KCNB2: variants seen among roughly 807,000 people sequenced by gnomAD.
KCNB2 encodes potassium voltage-gated channel subfamily B member 2, also known as delayed rectifier potassium channel protein.
A neutral mutation model predicts 61.5 loss-of-function variants in KCNB2; 15 were observed. The observed-to-expected ratio is 0.24, with a 90% CI of 0.16 to 0.38. The LOEUF (loss-of-function observed/expected upper bound fraction) is 0.38. Among genes scored for constraint, KCNB2 ranks in the 10% least tolerant of loss-of-function variants. KCNB2 has a pLI of 1.00. For missense variants in KCNB2, 828 were observed against 1,125.2 expected, an observed-to-expected ratio of 0.74 and a Z score of 3.78; for synonymous variants, 457 against 446.0, an observed-to-expected ratio of 1.02 and a Z score of -0.31.
chr8:72,682,598 A>T (rs1223536674), intron 2 of KCNB2, among the ~76,000 whole-genome samples: 2 of 151,510 alleles, frequency 1.3e-5, no homozygotes, highest in Non-Finnish European at 1.5e-5. Flanking sequence ...GAATTTAAAA[A>T]AAAAAAAAAA....
intron 1 of KCNB2, among the ~76,000 whole-genome samples, chr8:72,555,757 T>G (rs1806416779): frequency 6.6e-6 from 1 of 151,984 alleles, no homozygotes; most frequent in African/African-American, 2.4e-5. Flanking sequence ...TATTTTATTT[T>G]ATTTTATTTT....
chr8:72,633,718 A>C (rs1805918009), intron 2 of KCNB2, among the ~76,000 whole-genome samples: 1 of 152,176 alleles, frequency 6.6e-6, no homozygotes. Context: ...TTAGTTTTTC[A>C]TGGATGTATC....
chr8:72,784,704 G>A (rs1472735164), intron 2 of KCNB2, among the ~76,000 whole-genome samples: 4 of 152,114 alleles, frequency 2.6e-5, no homozygotes, highest in African/African-American at 9.7e-5. Flanking sequence ...CACCTCACAT[G>A]AGGTCCCACT....
rs892930179 is a variant in KCNB2 at position 72,581,864 on chromosome 8, G to A, written c.579+13551G>A. ...TTGCTTTGCTAGGGTTGCTCATTTG[G>A]TTATCGGAACTGTGGGCTCTGGGAA... is the stretch of plus-strand genomic sequence containing the variant. On this transcript the variant is annotated intron_variant, in intron 2 of 2. Coordinates refer to ENST00000523207, the MANE Select transcript of KCNB2 (RefSeq NM_004770.3). Among the ~76,000 whole-genome samples the A allele has an allele frequency of 5.3e-5, 8 of 152,206 alleles. No homozygotes were observed. The East Asian group carries it at 1.5e-3, about 29-fold the overall frequency.
chr8:72,722,707 G>C (rs1050348348), intron 2 of KCNB2, among the ~76,000 whole-genome samples: 8 of 152,200 alleles, frequency 5.3e-5, no homozygotes, highest in African/African-American at 1.7e-4. Flanking sequence ...AGCACACTTT[G>C]CTCTAGATGC....
At chr8:72,584,105 AC>A (rs200305349) in intron 2 of KCNB2, among the ~76,000 whole-genome samples, 2 of 148,204 alleles carry the variant, frequency 1.3e-5, no homozygotes, top group African/African-American at 2.5e-5. Flanking sequence ...ACAAAACAAA[AC>A]AAAAAAAAAC....
intron 2 of KCNB2, among the ~76,000 whole-genome samples, chr8:72,705,602 G>A (rs1807209169): frequency 6.6e-6 from 1 of 152,204 alleles, no homozygotes; most frequent in African/African-American, 2.4e-5. Context: ...CCAACCTGCT[G>A]TAAGTTTGGG....
At chr8:72,576,714 C>T (rs1563528049) in intron 2 of KCNB2, among the ~76,000 whole-genome samples, 1 of 152,200 alleles carries the variant, frequency 6.6e-6, no homozygotes, top group Non-Finnish European at 1.5e-5. Context: ...ACATCCAGTT[C>T]TTAACCTCCT....
intron 2 of KCNB2, among the ~76,000 whole-genome samples, chr8:72,788,846 GGACT>G (rs986574221): frequency 1.6e-4 from 25 of 152,122 alleles, no homozygotes; most frequent in African/African-American, 6.0e-4. Context: ...GATGTATAAA[GGACT>G]AACATAACAC....
intron 2 of KCNB2, among the ~76,000 whole-genome samples, chr8:72,626,214 C>T (rs1805786897): frequency 6.6e-6 from 1 of 152,088 alleles, no homozygotes; most frequent in African/African-American, 2.4e-5. Context: ...CCCCAGAATG[C>T]CCAGGTACAC....
intron 2 of KCNB2, among the ~76,000 whole-genome samples, chr8:72,810,190 T>G (rs1809284430): frequency 6.6e-6 from 1 of 152,130 alleles, no homozygotes; most frequent in South Asian, 2.1e-4. Context: ...CTGAAGGAAC[T>G]TACCGCAGAG....
At chr8:72,639,283 A>G (rs550385976) in intron 2 of KCNB2, among the ~76,000 whole-genome samples, 1 of 152,264 alleles carries the variant, frequency 6.6e-6, no homozygotes, top group African/African-American at 2.4e-5. Flanking sequence ...CACCCACAGC[A>G]AAAGCACAGA....
At chr8:72,563,171 C>G (rs1043621640) in intron 1 of KCNB2, among the ~76,000 whole-genome samples, 1 of 152,016 alleles carries the variant, frequency 6.6e-6, no homozygotes, top group Admixed American at 6.6e-5. Context: ...TGTGAGGCAG[C>G]ATGATAAGTT....
intron 2 of KCNB2, among the ~76,000 whole-genome samples, chr8:72,705,290 G>A (rs1294215612): frequency 1.3e-5 from 2 of 152,156 alleles, no homozygotes; most frequent in Admixed American, 1.3e-4. Flanking sequence ...CCTCTCTGTT[G>A]CATACAGGCT....
rs139855849 is a variant in KCNB2 at position 72,828,061 on chromosome 8, C to T, written c.580-107874C>T. ...CTCCTGACCTCAAGTGATCCACTTG[C>T]CTCAGCCTCCCAAACTGCTGGGATT... On this transcript the variant is annotated intron_variant, in intron 2 of 2. Coordinates refer to ENST00000523207, the MANE Select transcript of KCNB2 (RefSeq NM_004770.3). 7.3e-3 allele frequency among the ~76,000 whole-genome samples: 1,119 copies of T among 152,292 alleles called. 13 individuals carry two copies. The highest frequency in any genetic ancestry group is 0.02 in the African/African-American group (843 of 41,566).
chr8:72,753,930 C>T (rs1351190712), intron 2 of KCNB2, among the ~76,000 whole-genome samples: 2 of 152,160 alleles, frequency 1.3e-5, no homozygotes, highest in Non-Finnish European at 2.9e-5. Context: ...TCTGTGAGAA[C>T]TGGGATCTGG....
At chr8:72,608,518 A>C (rs956304556) in intron 2 of KCNB2, among the ~76,000 whole-genome samples, 8 of 152,220 alleles carry the variant, frequency 5.3e-5, no homozygotes, top group African/African-American at 1.9e-4. Context: ...GCCTTGGATG[A>C]GGGCTGTGGA....
chr8:72,829,622 T>C (rs960203503), intron 2 of KCNB2, among the ~76,000 whole-genome samples: 1 of 152,124 alleles, frequency 6.6e-6, no homozygotes, highest in African/African-American at 2.4e-5. Context: ...AGAAATGAGG[T>C]GATATTGCTT....
chr8:72,893,510 T>C (rs1003411013), intron 2 of KCNB2, among the ~76,000 whole-genome samples: 2 of 152,188 alleles, frequency 1.3e-5, no homozygotes, highest in African/African-American at 4.8e-5. Flanking sequence ...CACAAAATAA[T>C]AGCACTAAAT....
Sources: gnomAD v4.1 joint callset for allele counts (sites outside exome capture counted in the v4.1 genomes callset) on GRCh38, gnomAD v4.1.1 for gene constraint, MANE v1.5 for transcripts, NCBI Gene and HGNC (gene_info 2026-07-23, HGNC 2026-07-21) for gene names.